The following COG4 variants were observed in gnomAD, a reference collection of about 807,000 sequenced individuals.
COG4 encodes the protein component of oligomeric golgi complex 4, also known as conserved oligomeric Golgi complex subunit 4.
A neutral mutation model predicts 95.1 loss-of-function variants in COG4; 65 were observed. The observed-to-expected ratio is 0.68, with a 90% CI of 0.56 to 0.84. The LOEUF (loss-of-function observed/expected upper bound fraction) is 0.84, where lower values mean the gene tolerates loss of function less well. Among genes scored for constraint, COG4 ranks in the 40% least tolerant of loss-of-function variants. COG4 has a pLI of 0.00. For synonymous variants in COG4, 421 were observed against 374.8 expected (o/e 1.12, Z -1.42); for missense variants, 1,045 against 989.1 (o/e 1.06, Z -0.76).
chr16:70,512,529 T>C, intron 4 of COG4, 97 bp from the exon 5 acceptor site: 1 of 986,684 alleles, frequency 1.0e-6, no homozygotes, highest in Non-Finnish European at 1.6e-6. Flanking sequence ...CAAATACGTA[T>C]TAAGCACTTA....
At chr16:70,481,323 A>G (rs1597650587) in intron 18 of COG4, 36 bp downstream of exon 18, 3 of 1,609,024 alleles carry the variant, frequency 1.9e-6, no homozygotes, top group Non-Finnish European at 2.5e-6. Context: ...TCTTTCAGTC[A>G]CCCCTCCCTG....
intron 5 of COG4, among the ~76,000 whole-genome samples, chr16:70,511,356 G>A (rs1410525977): frequency 6.6e-6 from 1 of 152,012 alleles, no homozygotes; most frequent in Non-Finnish European, 1.5e-5. Flanking sequence ...CTTAGGGAAC[G>A]GTATCATTTT....
In COG4 at chr16:70,480,812, G is replaced by A. The variant is rs2048973756; in HGVS notation, c.*198C>T. On this transcript the variant is annotated 3_prime_UTR_variant, in exon 19 of 19. Coordinates refer to ENST00000323786, the MANE Select transcript of COG4 (RefSeq NM_015386.3). ...CCGCTTCTCTCGGTGGGGAGATGCT[G>A]CCCCCAGAGCATCACCTGGCCAGGT... The A allele has an allele frequency of 1.7e-6, 1 of 601,498 alleles. No homozygotes were observed. The highest frequency in any genetic ancestry group is 2.1e-5 in the South Asian group (1 of 48,254). 37.3% of individuals were successfully genotyped at this position (601,498 alleles called of 1,614,324 possible).
At chr16:70,503,070 A>G (rs963606724) in intron 8 of COG4, among the ~76,000 whole-genome samples, 2 of 152,032 alleles carry the variant, frequency 1.3e-5, no homozygotes, top group African/African-American at 4.8e-5. Flanking sequence ...TTTTGTTTTG[A>G]GATAGGGTCA....
Position 70,497,226 on chromosome 16 carries a change from G to A in COG4, c.1476C>T (p.Asp492=). The part of the protein sequence containing the change: ...INLATTELES[D]FRDVLCNKLR... ...AGAAAGGGAGTCAACTGTACCTGAA[G>A]TCAGACTCCAGCTCTGTGGTGGCGA... The change falls in exon 11 of 19, where the codon GAC becomes GAT. Residue 492 remains aspartate (D), a synonymous_variant. Transcript: ENST00000323786. 6.2e-7 allele frequency: 1 copy of A among 1,614,132 alleles called. No individual in the cohort carries two copies. Among genetic ancestry groups the A allele is most frequent in the Non-Finnish European group, 8.5e-7 (1 of 1,179,976 alleles).
At chr16:70,505,494 AC>A in intron 8 of COG4, among the ~76,000 whole-genome samples, 1 of 145,566 alleles carries the variant, frequency 6.9e-6, no homozygotes, top group East Asian at 2.3e-4. Flanking sequence ...GAGCCACCGC[AC>A]CCACTGGATT....
intron 15 of COG4, 35 bp downstream of exon 15, chr16:70,482,694 A>C (rs2049022626): frequency 5.1e-6 from 8 of 1,566,202 alleles, no homozygotes; most frequent in Non-Finnish European, 6.2e-6. Context: ...ATGAGGGGTC[A>C]TCGGGGCTTG....
chr16:70,482,662 C>T, intron 15 of COG4, 67 bp downstream of exon 15: 3 of 1,297,410 alleles, frequency 2.3e-6, no homozygotes, highest in South Asian at 2.4e-5. Context: ...GATGGCTCTG[C>T]TCCCTCTAGC....
rs921913287 is a variant in COG4 at position 70,483,781 on chromosome 16, G to C, written c.1827+72C>G. 26 of 1,202,394 alleles carry C rather than the reference G, an allele frequency of 2.2e-5. No individual in the cohort carries two copies. In the African/African-American group the frequency reaches 3.3e-4, roughly 15 times the overall value. The allele number at this position is 1,202,394 out of a possible 1,614,324, so 74.5% of individuals were successfully genotyped here. A position where few individuals can be genotyped will look rare whatever the true frequency, so the allele number is the denominator to read the frequency against. Reference sequence around the variant, plus strand: ...TCCTCCTGGCTTCCTTGCACACGATGAGCCAGCTAACAATCTTCTCAGAGC... The same window carrying C: ...TCCTCCTGGCTTCCTTGCACACGATCAGCCAGCTAACAATCTTCTCAGAGC... On this transcript the variant is annotated intron_variant, in intron 14 of 18. Transcript: ENST00000323786.
In COG4 at chr16:70,500,922, C is replaced by T. The variant is rs535479112; in HGVS notation, c.1195+36G>A. ...TATTAAGAAACACTGCCAATTATACCTCAACCCTCCCCAAAAATATGGGAA... is the reference window on the plus strand; with the variant it reads ...TATTAAGAAACACTGCCAATTATACTTCAACCCTCCCCAAAAATATGGGAA... On this transcript the variant is annotated intron_variant, in intron 9 of 18. Coordinates refer to ENST00000323786, the MANE Select transcript of COG4 (RefSeq NM_015386.3). 21 of 1,613,438 alleles carry T rather than the reference C, an allele frequency of 1.3e-5. No homozygotes were observed. In the East Asian group the frequency reaches 4.5e-4, roughly 34 times the overall value.
rs1567390467 is a variant in COG4, at chr16:70,509,896, G to A, written c.844+20C>T. On this transcript the variant is annotated intron_variant, in intron 6 of 18. Transcript: ENST00000323786. ...TCATATACAGTCTCCAGTCTCTCTA[G>A]AGCGGAGAAAGAGGCTCACCTTCAA... 1 of 1,585,294 alleles carries A rather than the reference G, an allele frequency of 6.3e-7. No individual in the cohort carries two copies. The highest frequency in any genetic ancestry group is 2.2e-5 in the East Asian group (1 of 44,760).
chr16:70,501,030 G>GT lies in COG4; in HGVS notation c.1122dup (p.Arg375ThrfsTer8), dbSNP rs775413932. 4.3e-6 allele frequency: 7 copies of GT among 1,613,862 alleles called. No individual in the cohort carries two copies. Among genetic ancestry groups the GT allele is most frequent in the Non-Finnish European group, 5.1e-6 (6 of 1,179,958 alleles). On this transcript the variant is annotated frameshift_variant, in exon 9 of 19. Coordinates refer to ENST00000323786, the MANE Select transcript of COG4 (RefSeq NM_015386.3). LOFTEE classifies it high-confidence loss of function. ...GAGCTAATCCTCTTCTTGAGGAAGCGTAAGTATAGCTCACTGCGGGCATTC... is the reference window on the plus strand; with the variant it reads ...GAGCTAATCCTCTTCTTGAGGAAGCGTTAAGTATAGCTCACTGCGGGCATTC...
chr16:70,505,203 T>C (rs979558563), intron 8 of COG4, among the ~76,000 whole-genome samples: 3 of 148,616 alleles, frequency 2.0e-5, no homozygotes, highest in Non-Finnish European at 3.0e-5. Flanking sequence ...TTTTCTTTTT[T>C]TTTTTTTTTT....
At chr16:70,510,892 T>C (rs1427277986) in intron 5 of COG4, among the ~76,000 whole-genome samples, 7 of 151,586 alleles carry the variant, frequency 4.6e-5, no homozygotes, top group African/African-American at 1.5e-4. Context: ...GCTTCCCGAG[T>C]GGTTGGGCTT....
intron 8 of COG4, among the ~76,000 whole-genome samples, chr16:70,504,609 T>TAAAAAAAAAAAAAAAAAAA (rs66751123): frequency 9.8e-5 from 12 of 121,968 alleles, no homozygotes; most frequent in African/African-American, 4.3e-4. Context: ...AGATTCTATT[T>TAAAAAAAAAAAAAAAAAAA]AAAAAAAAAA....
intron 3 of COG4, among the ~76,000 whole-genome samples, chr16:70,517,085 GA>G (rs1389275949): frequency 6.6e-6 from 1 of 152,012 alleles, no homozygotes; most frequent in African/African-American, 2.4e-5. Context: ...TTTTTGTAGA[GA>G]TGGGGTTTTC....
At position 70,483,959 on chromosome 16, in the gene COG4, G is replaced by A; in HGVS notation, c.1721C>T (p.Thr574Ile). The change falls in exon 14 of 19, where the codon ACC (threonine) becomes ATC (isoleucine). Residue 574 changes from threonine (T) to isoleucine (I), a missense_variant. Coordinates refer to ENST00000323786, the MANE Select transcript of COG4 (RefSeq NM_015386.3). ...TLKKTLESDC[T>I]KLFSQGIGGE... ...TCCAATGCCCTGGCTGAAGAGCTTG[G>A]TGCAGTCACTCTAGGGGAGAACACT... 1.9e-6 allele frequency: 3 copies of A among 1,612,122 alleles called. No individual in the cohort carries two copies. The highest frequency in any genetic ancestry group is 1.7e-6 in the Non-Finnish European group (2 of 1,179,562).
At position 70,503,811 on chromosome 16, in the gene COG4, G is replaced by A. The variant is rs899296579; in HGVS notation, c.1062-2720C>T. Among the ~76,000 whole-genome samples, 7 of 123,576 alleles carry A rather than the reference G, an allele frequency of 5.7e-5. 1 individual carries two copies. Among genetic ancestry groups the A allele is most frequent in the African/African-American group, 1.3e-4 (2 of 15,386 alleles). 81.1% of individuals were successfully genotyped at this position (123,576 alleles called of 152,430 possible). On this transcript the variant is annotated intron_variant, in intron 8 of 18. Coordinates refer to ENST00000323786, the MANE Select transcript of COG4 (RefSeq NM_015386.3). The stretch of plus-strand genomic sequence containing the variant: ...GGGTTTCACCGTGTTAGCCAGGATG[G>A]TCTCGATCTCCTGACCTCGTGATCC...
chr16:70,520,754 G>A (rs1019666960), intron 1 of COG4, among the ~76,000 whole-genome samples: 1 of 152,224 alleles, frequency 6.6e-6, no homozygotes, highest in South Asian at 2.1e-4. Context: ...GTAGCCAGGG[G>A]TTATAAATAT....
Sources: gnomAD v4.1 joint callset for allele counts (sites outside exome capture counted in the v4.1 genomes callset) on GRCh38, gnomAD v4.1.1 for gene constraint, MANE v1.5 for transcripts, NCBI Gene and HGNC (gene_info 2026-07-23, HGNC 2026-07-21) for gene names.